The following EXT1 variants were observed in gnomAD, a reference collection of about 807,000 sequenced individuals.
The protein encoded by EXT1 is exostosin glycosyltransferase 1, also known as exostosin-1.
Under a neutral mutation model 82.5 loss-of-function variants are expected in EXT1, and 20 were observed. The observed-to-expected ratio is 0.24, with a 90% CI of 0.17 to 0.35. The LOEUF is 0.35. Ranked by LOEUF, EXT1 falls within the 10% of genes least tolerant of loss-of-function variation. The pLI, the probability that EXT1 is intolerant of heterozygous loss-of-function variation, is 1.00. For missense variants in EXT1, 757 were observed against 936.5 expected (o/e 0.81, Z 2.50); for synonymous variants, 348 against 350.8 (o/e 0.99, Z 0.09).
intron 4 of EXT1, among the ~76,000 whole-genome samples, chr8:117,826,918 C>T (rs1812016709): frequency 6.6e-6 from 1 of 152,124 alleles, no homozygotes; most frequent in Non-Finnish European, 1.5e-5. Context: ...GAATGTAAGA[C>T]ATTCAACTGT....
At chr8:117,901,756 G>A (rs1813452448) in intron 1 of EXT1, among the ~76,000 whole-genome samples, 2 of 152,052 alleles carry the variant, frequency 1.3e-5, no homozygotes, top group South Asian at 4.2e-4. Flanking sequence ...GAGTGCAGTA[G>A]CACAGTAACA....
intron 1 of EXT1, among the ~76,000 whole-genome samples, chr8:118,076,011 C>T (rs1454975851): frequency 1.3e-5 from 2 of 152,102 alleles, no homozygotes; most frequent in Non-Finnish European, 2.9e-5. Flanking sequence ...AAAACAAATA[C>T]ATACATGGTT....
At chr8:117,975,933 T>C (rs991632778) in intron 1 of EXT1, among the ~76,000 whole-genome samples, 2 of 152,204 alleles carry the variant, frequency 1.3e-5, no homozygotes, top group African/African-American at 4.8e-5. Context: ...TATATTAGTT[T>C]TTCAACAATA....
At chr8:117,931,875 A>T (rs751632929) in intron 1 of EXT1, among the ~76,000 whole-genome samples, 1 of 152,172 alleles carries the variant, frequency 6.6e-6, no homozygotes, top group Admixed American at 6.5e-5. Context: ...TAGATTTTTG[A>T]TCACTTGAAA....
intron 1 of EXT1, among the ~76,000 whole-genome samples, chr8:118,088,717 T>C (rs1057261801): frequency 1.3e-5 from 2 of 151,992 alleles, no homozygotes; most frequent in Non-Finnish European, 2.9e-5. Context: ...TTTGTTTTCT[T>C]GTTTACTTTT....
At chr8:117,892,417 TTGC>T (rs925705401) in intron 1 of EXT1, among the ~76,000 whole-genome samples, 19 of 151,936 alleles carry the variant, frequency 1.3e-4, no homozygotes, top group East Asian at 9.6e-4. Context: ...ACTTCTACTA[TTGC>T]TGCTGCTGCT....
intron 4 of EXT1, among the ~76,000 whole-genome samples, chr8:117,823,530 T>C (rs1811959711): frequency 6.6e-6 from 1 of 151,954 alleles, no homozygotes; most frequent in Admixed American, 6.6e-5. Flanking sequence ...AAAAAAATCC[T>C]GCCGTAAGTT....
At chr8:117,830,057 T>C (rs768355679) in intron 4 of EXT1, among the ~76,000 whole-genome samples, 173 bp downstream of exon 4, 1 of 152,034 alleles carries the variant, frequency 6.6e-6, no homozygotes, top group Non-Finnish European at 1.5e-5. Context: ...GGAATGAGAG[T>C]ATTTTCTTGG....
At chr8:117,960,839 T>A (rs1814684248) in intron 1 of EXT1, among the ~76,000 whole-genome samples, 1 of 152,134 alleles carries the variant, frequency 6.6e-6, no homozygotes, top group African/African-American at 2.4e-5. Context: ...TGTGTGAGTG[T>A]TAGTGCACTG....
chr8:118,000,351 G>A (rs561577409), intron 1 of EXT1, among the ~76,000 whole-genome samples: 1 of 152,158 alleles, frequency 6.6e-6, no homozygotes, highest in South Asian at 2.1e-4. Flanking sequence ...CAAAGGCTGA[G>A]TTTAGAAAAA....
chr8:117,882,628 A>ACACTAAAT (rs1174447787), intron 1 of EXT1, among the ~76,000 whole-genome samples: 4 of 152,186 alleles, frequency 2.6e-5, no homozygotes. Context: ...CAAAGCAGGA[A>ACACTAAAT]CACTAAATCA....
At chr8:117,912,993 A>T (rs1488441080) in intron 1 of EXT1, among the ~76,000 whole-genome samples, 2 of 152,082 alleles carry the variant, frequency 1.3e-5, no homozygotes, top group African/African-American at 4.8e-5. Context: ...GGAGGCTGAG[A>T]CAGGTGGATC....
chr8:117,874,797 CT>C (rs1016672128), intron 1 of EXT1, among the ~76,000 whole-genome samples: 8 of 152,196 alleles, frequency 5.3e-5, no homozygotes, highest in African/African-American at 1.4e-4. Context: ...CCTTTTCCAT[CT>C]TCTTTAGTGT....
intron 1 of EXT1, among the ~76,000 whole-genome samples, chr8:117,953,003 T>C (rs1814520633): frequency 6.6e-6 from 1 of 152,208 alleles, no homozygotes; most frequent in African/African-American, 2.4e-5. Context: ...GCTTTCAATA[T>C]TGCCAAGAAT....
chr8:117,976,958 A>G (rs1815077049), intron 1 of EXT1, among the ~76,000 whole-genome samples: 1 of 152,176 alleles, frequency 6.6e-6, no homozygotes, highest in African/African-American at 2.4e-5. Context: ...GGGGCCCTGA[A>G]TACTGAGGTT....
At chr8:117,860,443 G>C (rs889692339) in intron 1 of EXT1, among the ~76,000 whole-genome samples, 8 of 152,166 alleles carry the variant, frequency 5.3e-5, no homozygotes. Flanking sequence ...TGAAAGCCCA[G>C]CCTTCGCCAC....
At chr8:117,975,697 G>A (rs892981475) in intron 1 of EXT1, among the ~76,000 whole-genome samples, 1 of 152,052 alleles carries the variant, frequency 6.6e-6, no homozygotes, top group African/African-American at 2.4e-5. Flanking sequence ...CCACCAAACT[G>A]TCAGCTACTT....
chr8:118,076,051 T>C (rs527609801), intron 1 of EXT1, among the ~76,000 whole-genome samples: 5 of 152,178 alleles, frequency 3.3e-5, no homozygotes, highest in Non-Finnish European at 5.9e-5. Flanking sequence ...GATTTATATA[T>C]CCCCACTGAG....
intron 1 of EXT1, among the ~76,000 whole-genome samples, chr8:117,877,282 C>A (rs1476037609): frequency 2.0e-5 from 3 of 152,154 alleles, no homozygotes; most frequent in African/African-American, 7.2e-5. Flanking sequence ...GTAGGCTCTT[C>A]ATAGTTGGAG....
Sources: gnomAD v4.1 joint callset for allele counts (sites outside exome capture counted in the v4.1 genomes callset) on GRCh38, gnomAD v4.1.1 for gene constraint, MANE v1.5 for transcripts, NCBI Gene and HGNC (gene_info 2026-07-23, HGNC 2026-07-21) for gene names.